Variants in MAGI1 observed in about 807,000 individuals in gnomAD.
MAGI1 encodes the protein membrane associated guanylate kinase, WW and PDZ domain containing 1, also known as membrane-associated guanylate kinase, WW and PDZ domain-containing protein 1.
A neutral mutation model predicts 139.9 loss-of-function variants in MAGI1; 58 were observed. The ratio of observed to expected loss-of-function variants is 0.41; its 90% CI spans 0.34 to 0.52. The LOEUF (loss-of-function observed/expected upper bound fraction) is 0.52, where lower values mean the gene tolerates loss of function less well. MAGI1 is among the 20% of genes least tolerant of loss of function. The probability of loss-of-function intolerance (pLI) is 0.12; values close to 1 mark genes in which losing one functional copy is unlikely to be tolerated. For missense variants in MAGI1, 1,874 were observed against 1,901.6 expected, an observed-to-expected ratio of 0.99 and a Z score of 0.27; for synonymous variants, 812 against 737.9, an observed-to-expected ratio of 1.10 and a Z score of -1.63.
intron 1 of MAGI1, among the ~76,000 whole-genome samples, chr3:65,876,299 C>T (rs926072890): frequency 1.3e-5 from 2 of 152,002 alleles, no homozygotes; most frequent in Non-Finnish European, 2.9e-5. Context: ...AGCCACTGCA[C>T]TCCAGCCTGG....
At chr3:65,534,915 T>C (rs1216415965) in intron 2 of MAGI1, among the ~76,000 whole-genome samples, 1 of 152,142 alleles carries the variant, frequency 6.6e-6, no homozygotes, top group Non-Finnish European at 1.5e-5. Flanking sequence ...CCCATCACCA[T>C]GGCAGGTAAT....
At chr3:65,610,201 A>G (rs1055040721) in intron 2 of MAGI1, among the ~76,000 whole-genome samples, 1 of 152,194 alleles carries the variant, frequency 6.6e-6, no homozygotes, top group East Asian at 1.9e-4. Flanking sequence ...GGAATGGGGT[A>G]TCTAATTCTG....
intron 1 of MAGI1, among the ~76,000 whole-genome samples, chr3:65,895,929 T>A (rs2060020): frequency 2.0e-5 from 3 of 151,730 alleles, no homozygotes; most frequent in African/African-American, 7.3e-5. Flanking sequence ...AGCAGATAGA[T>A]ACCCAGGTTG....
At chr3:65,693,111 T>C (rs1419643505) in intron 1 of MAGI1, among the ~76,000 whole-genome samples, 1 of 152,112 alleles carries the variant, frequency 6.6e-6, no homozygotes, top group Non-Finnish European at 1.5e-5. Context: ...ATTTTTATTT[T>C]TTAAAAAAAT....
intron 1 of MAGI1, among the ~76,000 whole-genome samples, chr3:65,812,394 C>T (rs1409895603): frequency 2.6e-5 from 4 of 151,666 alleles, no homozygotes; most frequent in African/African-American, 4.9e-5. Context: ...AAATACATTA[C>T]GGTTGAAAAA....
intron 1 of MAGI1, among the ~76,000 whole-genome samples, chr3:65,877,788 A>G (rs1206088958): frequency 6.6e-6 from 1 of 152,108 alleles, no homozygotes; most frequent in Non-Finnish European, 1.5e-5. Context: ...CTGATCATCT[A>G]TGAGAACAGA....
At chr3:65,373,053 C>T (rs1021546181) in intron 18 of MAGI1, among the ~76,000 whole-genome samples, 3 of 152,198 alleles carry the variant, frequency 2.0e-5, no homozygotes, top group African/African-American at 7.2e-5. Context: ...TTTTCCTCTG[C>T]ATTCACAACT....
At chr3:65,935,406 G>C (rs1467946958) in intron 1 of MAGI1, among the ~76,000 whole-genome samples, 1 of 152,150 alleles carries the variant, frequency 6.6e-6, no homozygotes, top group Non-Finnish European at 1.5e-5. Flanking sequence ...GGCCGAGGTG[G>C]GCAGGAGTTC....
Position 65,355,339 on chromosome 3 carries a change from C to T in MAGI1, c.*1039G>A, listed in dbSNP as rs1035387950. 2.0e-5 allele frequency: 3 copies of T among 152,120 alleles called. No individual in the cohort carries two copies. Among genetic ancestry groups the T allele is most frequent in the Non-Finnish European group, 4.4e-5 (3 of 68,042 alleles). 9.4% of individuals were successfully genotyped at this position (152,120 alleles called of 1,614,324 possible). A position where few individuals can be genotyped will look rare whatever the true frequency, so the allele number is the denominator to read the frequency against. ...ATTTCTAACAATGAATACCCACAGCCCTCACTTCTTTAAATATCAACAGAG... is the reference window on the plus strand; with the variant it reads ...ATTTCTAACAATGAATACCCACAGCTCTCACTTCTTTAAATATCAACAGAG... On this transcript the variant is annotated 3_prime_UTR_variant, in exon 23 of 23. Transcript: ENST00000402939.
At chr3:65,706,141 G>C (rs138682441) in intron 1 of MAGI1, among the ~76,000 whole-genome samples, 2 of 152,126 alleles carry the variant, frequency 1.3e-5, no homozygotes, top group African/African-American at 4.8e-5. Context: ...GCTACATTTT[G>C]TCAGGAAAAC....
At chr3:65,908,403 A>T (rs979233472) in intron 1 of MAGI1, among the ~76,000 whole-genome samples, 1 of 151,922 alleles carries the variant, frequency 6.6e-6, no homozygotes, top group Non-Finnish European at 1.5e-5. Context: ...TCCCGGGTTC[A>T]AGCAATTCTC....
At chr3:65,836,026 A>G (rs17073937) in intron 1 of MAGI1, among the ~76,000 whole-genome samples, 97,120 of 151,998 alleles carry the variant, frequency 0.64, 31,704 homozygotes, top group East Asian at 0.95. Flanking sequence ...TGAGGACCCA[A>G]TGTCAAGGCA....
intron 1 of MAGI1, among the ~76,000 whole-genome samples, chr3:65,925,868 C>T (rs2062475761): frequency 6.6e-6 from 1 of 152,034 alleles, no homozygotes; most frequent in South Asian, 2.1e-4. Flanking sequence ...TTTGTAGAGA[C>T]AGTTTCACCA....
chr3:65,484,823 T>A (rs757770810), intron 3 of MAGI1, among the ~76,000 whole-genome samples: 1 of 152,186 alleles, frequency 6.6e-6, no homozygotes, highest in Non-Finnish European at 1.5e-5. Context: ...GCTGTCCTTA[T>A]CAGTTCTTAT....
At chr3:65,737,003 CTT>C (rs67969383) in intron 1 of MAGI1, among the ~76,000 whole-genome samples, 2 of 145,540 alleles carry the variant, frequency 1.4e-5, no homozygotes, top group Admixed American at 6.9e-5. Flanking sequence ...TGCATCAAGA[CTT>C]TTTTTTTTTT....
intron 2 of MAGI1, among the ~76,000 whole-genome samples, chr3:65,516,341 G>A (rs967345358): frequency 2.2e-4 from 33 of 152,036 alleles, no homozygotes; most frequent in African/African-American, 3.6e-4. Context: ...CACCCCACCC[G>A]GCTAATTTCT....
At chr3:65,837,936 G>C (rs981310958) in intron 1 of MAGI1, among the ~76,000 whole-genome samples, 1 of 152,182 alleles carries the variant, frequency 6.6e-6, no homozygotes, top group African/African-American at 2.4e-5. Context: ...TAGGTTTACA[G>C]AAAGTGGTAA....
intron 1 of MAGI1, among the ~76,000 whole-genome samples, chr3:65,979,784 G>A (rs539237804): frequency 2.0e-4 from 30 of 152,174 alleles, no homozygotes; most frequent in Admixed American, 1.4e-3. Flanking sequence ...CTCCAGTGTC[G>A]GGCTGCATAG....
chr3:65,457,905 T>A (rs1312312528), intron 5 of MAGI1, among the ~76,000 whole-genome samples: 1 of 152,110 alleles, frequency 6.6e-6, no homozygotes, highest in Admixed American at 6.6e-5. Context: ...ATTCTTTCTA[T>A]TTTTTTGTAG....
Sources: allele counts gnomAD v4.1 joint callset (sites outside exome capture counted in the v4.1 genomes callset), GRCh38; gene constraint gnomAD v4.1.1; transcripts MANE v1.5; gene names NCBI Gene and HGNC (gene_info 2026-07-23, HGNC 2026-07-21).